The following EYA3 variants were observed in gnomAD, a reference collection of about 807,000 sequenced individuals.
The protein encoded by EYA3 is protein phosphatase EYA3.
EYA3 carries 39 observed loss-of-function variants against 80.0 expected under a neutral mutation model. The observed-to-expected ratio is 0.49, with a 90% CI of 0.38 to 0.64. The LOEUF is 0.64. Ranked by LOEUF, EYA3 falls within the 30% of genes least tolerant of loss-of-function variation. EYA3 has a pLI of 0.00. For synonymous variants in EYA3, 206 were observed against 232.8 expected (o/e 0.88, Z 1.05); for missense variants, 523 against 676.1 (o/e 0.77, Z 2.51).
intron 6 of EYA3, among the ~76,000 whole-genome samples, chr1:28,029,135 A>G (rs1642962316): frequency 6.6e-6 from 1 of 152,152 alleles, no homozygotes; most frequent in African/African-American, 2.4e-5. Context: ...ATAGCTGTTC[A>G]TTTTTATTTT....
chr1:28,005,744 A>G (rs560600520), intron 10 of EYA3, among the ~76,000 whole-genome samples: 2 of 151,766 alleles, frequency 1.3e-5, no homozygotes, highest in Non-Finnish European at 2.9e-5. Flanking sequence ...AAAAACCCCC[A>G]AAAAACCACA....
intron 6 of EYA3, among the ~76,000 whole-genome samples, chr1:28,031,570 AC>A (rs1643140849): frequency 6.6e-6 from 1 of 152,232 alleles, no homozygotes; most frequent in African/African-American, 2.4e-5. Flanking sequence ...CAAGTACTTC[AC>A]TATTGATTAG....
intron 16 of EYA3, among the ~76,000 whole-genome samples, chr1:27,986,345 A>T (rs564411003): frequency 6.6e-5 from 10 of 152,176 alleles, no homozygotes; most frequent in African/African-American, 2.4e-4. Flanking sequence ...AGCCTGAGCA[A>T]CAAGAGCGAA....
At chr1:28,011,289 A>G (rs1641680462) in intron 9 of EYA3, among the ~76,000 whole-genome samples, 1 of 152,228 alleles carries the variant, frequency 6.6e-6, no homozygotes, top group Non-Finnish European at 1.5e-5. Context: ...AGTTATAACC[A>G]GACTTTATAT....
chr1:28,050,482 G>A (rs879774520), intron 2 of EYA3, among the ~76,000 whole-genome samples: 5 of 152,020 alleles, frequency 3.3e-5, no homozygotes, highest in East Asian at 3.8e-4. Context: ...GATTACAGGC[G>A]TGAGCCACTG....
intron 1 of EYA3, among the ~76,000 whole-genome samples, chr1:28,062,349 T>C (rs34208436): frequency 0.18 from 27,269 of 152,156 alleles, 3,048 homozygotes; most frequent in East Asian, 0.24. Context: ...AAACTTTGGT[T>C]TGATTCAAGA....
intron 5 of EYA3, among the ~76,000 whole-genome samples, chr1:28,037,373 T>C (rs1241719195): frequency 6.6e-6 from 1 of 152,240 alleles, no homozygotes; most frequent in Non-Finnish European, 1.5e-5. Flanking sequence ...ATCTGCAACA[T>C]ATTAACATCT....
intron 1 of EYA3, among the ~76,000 whole-genome samples, chr1:28,063,549 T>C (rs549705111): frequency 2.6e-5 from 4 of 151,900 alleles, no homozygotes; most frequent in Non-Finnish European, 5.9e-5. Context: ...GGTTTTGCCA[T>C]GTTGGCCAGG....
chr1:28,054,522 C>T (rs1644374496), intron 2 of EYA3, among the ~76,000 whole-genome samples: 1 of 152,154 alleles, frequency 6.6e-6, no homozygotes, highest in Admixed American at 6.6e-5. Context: ...ATCCCATAGA[C>T]CTGTAACTTA....
chr1:28,068,450 G>A (rs950032194), intron 1 of EYA3, among the ~76,000 whole-genome samples: 1 of 150,808 alleles, frequency 6.6e-6, no homozygotes, highest in Admixed American at 6.6e-5. Context: ...ATAACATCAT[G>A]TTCTTAACGT....
chr1:27,987,434 G>GT (rs1639744916), intron 16 of EYA3, among the ~76,000 whole-genome samples: 1 of 152,120 alleles, frequency 6.6e-6, no homozygotes, highest in African/African-American at 2.4e-5. Context: ...GAGTGTGCAG[G>GT]TATCTCTTTG....
chr1:28,065,627 A>G (rs1224169447), intron 1 of EYA3, among the ~76,000 whole-genome samples: 4 of 151,678 alleles, frequency 2.6e-5, no homozygotes, highest in African/African-American at 9.7e-5. Context: ...GAGAACTTTT[A>G]CCTTTTCACT....
At chr1:28,010,858 A>G in intron 10 of EYA3, 89 bp downstream of exon 10, 3 of 1,488,930 alleles carry the variant, frequency 2.0e-6, no homozygotes, top group Non-Finnish European at 2.7e-6. Flanking sequence ...CATAGTGCAC[A>G]TTATCTCTGT....
At chr1:28,077,963 CTA>C (rs1645281947) in intron 1 of EYA3, among the ~76,000 whole-genome samples, 1 of 152,114 alleles carries the variant, frequency 6.6e-6, no homozygotes, top group African/African-American at 2.4e-5. Context: ...CTTTTGAAAT[CTA>C]TGTCTTTAGC....
At chr1:28,017,052 C>G (rs1228453975) in intron 8 of EYA3, 102 bp downstream of exon 8, 2 of 981,626 alleles carry the variant, frequency 2.0e-6, no homozygotes, top group Non-Finnish European at 3.2e-6. Context: ...ACAGCCCATA[C>G]TATTCCTGGT....
intron 7 of EYA3, among the ~76,000 whole-genome samples, chr1:28,023,547 G>C (rs1447753641): frequency 1.3e-5 from 2 of 152,124 alleles, no homozygotes; most frequent in Admixed American, 1.3e-4. Flanking sequence ...TAACCCCAGC[G>C]TAATAATGAG....
At chr1:28,085,698 G>A (rs1259430210) in intron 1 of EYA3, among the ~76,000 whole-genome samples, 1 of 152,128 alleles carries the variant, frequency 6.6e-6, no homozygotes, top group Non-Finnish European at 1.5e-5. Context: ...AATTTTTGTA[G>A]AAAATCAACG....
At chr1:27,986,399 ATTT>A (rs111866821) in intron 16 of EYA3, among the ~76,000 whole-genome samples, 2 of 135,276 alleles carry the variant, frequency 1.5e-5, no homozygotes, top group Non-Finnish European at 1.6e-5. Context: ...CTCTCTTAAC[ATTT>A]TTTTTTTTTT....
chr1:28,073,432 G>A (rs1040248497), intron 1 of EYA3, among the ~76,000 whole-genome samples: 10 of 150,762 alleles, frequency 6.6e-5, no homozygotes, highest in Non-Finnish European at 1.5e-5. Context: ...CGAGCAGCTG[G>A]GATTACAGGC....
Sources: gnomAD v4.1 joint callset for allele counts (sites outside exome capture counted in the v4.1 genomes callset) on GRCh38, gnomAD v4.1.1 for gene constraint, MANE v1.5 for transcripts, NCBI Gene and HGNC (gene_info 2026-07-23, HGNC 2026-07-21) for gene names.